Variants in PDE8A observed in about 807,000 individuals in gnomAD.
The protein encoded by PDE8A is phosphodiesterase 8A, also known as high affinity cAMP-specific and IBMX-insensitive 3',5'-cyclic phosphodiesterase 8A.
Under a neutral mutation model 105.0 loss-of-function variants are expected in PDE8A, and 59 were observed. The observed-to-expected ratio is 0.56, with a 90% CI of 0.46 to 0.70. The LOEUF (loss-of-function observed/expected upper bound fraction) is 0.70, where lower values mean the gene tolerates loss of function less well. Ranked by LOEUF, PDE8A falls within the 30% of genes least tolerant of loss-of-function variation. PDE8A has a pLI of 0.00. For missense variants in PDE8A, 1,014 were observed against 1,045.9 expected, an observed-to-expected ratio of 0.97 and a Z score of 0.42; for synonymous variants, 355 against 371.9, an observed-to-expected ratio of 0.95 and a Z score of 0.52.
chr15:84,990,380 C>T (rs557425185), intron 1 of PDE8A, among the ~76,000 whole-genome samples: 1 of 152,200 alleles, frequency 6.6e-6, no homozygotes, highest in East Asian at 1.9e-4. Flanking sequence ...CTATTGTGCT[C>T]CCTTTCCATT....
Position 85,123,087 on chromosome 15 carries a change from G to A in PDE8A, c.1979G>A (p.Gly660Glu). ...ERNDYRTLRQ[G>E]IIDMVLATEM... The stretch of plus-strand genomic sequence containing the variant: ...AATGATTATCGGACACTGCGCCAGG[G>A]GATTATCGACATGGTCTTAGCCACA... The change falls in exon 19 of 22, where the codon GGG (glycine) becomes GAG (glutamate). Residue 660 changes from glycine (G) to glutamate (E), a missense_variant. Coordinates refer to ENST00000394553, the MANE Select transcript of PDE8A (RefSeq NM_002605.3). 1 of 1,613,950 alleles carries A rather than the reference G, an allele frequency of 6.2e-7. No individual in the cohort carries two copies. The highest frequency in any genetic ancestry group is 8.5e-7 in the Non-Finnish European group (1 of 1,179,952).
intron 18 of PDE8A, among the ~76,000 whole-genome samples, chr15:85,121,390 T>G (rs2082179800): frequency 6.6e-6 from 1 of 152,208 alleles, no homozygotes; most frequent in Non-Finnish European, 1.5e-5. Flanking sequence ...ACCACTGCAC[T>G]CCAGCTTGAG....
chr15:85,123,116 A>G lies in PDE8A; in HGVS notation c.2008A>G (p.Met670Val). Residue 670 changes from methionine (M) to valine (V), a missense_variant, in exon 19 of 22, where the codon ATG becomes GTG. Met to Val is a conservative substitution (Grantham distance 21, BLOSUM62 1). Transcript: ENST00000394553. ...TATCGACATGGTCTTAGCCACAGAA[A>G]TGACAAAGCACTTTGAGCATGTCAA... The part of the protein sequence containing the change: ...GIIDMVLATE[M>V]TKHFEHVNKF... 6.2e-7 allele frequency: 1 copy of G among 1,614,060 alleles called. No homozygotes were observed. The highest frequency in any genetic ancestry group is 8.5e-7 in the Non-Finnish European group (1 of 1,179,912).
chr15:85,050,948 GAT>G (rs1317222287), intron 1 of PDE8A, among the ~76,000 whole-genome samples: 2 of 152,116 alleles, frequency 1.3e-5, no homozygotes, highest in Admixed American at 6.5e-5. Flanking sequence ...GTGAATGTGG[GAT>G]ATGTTTCCAT....
intron 1 of PDE8A, among the ~76,000 whole-genome samples, chr15:85,016,494 C>T (rs192932621): frequency 1.3e-5 from 2 of 152,232 alleles, no homozygotes; most frequent in Admixed American, 1.3e-4. Flanking sequence ...TTTCTGGATT[C>T]TCTGTACTGT....
intron 1 of PDE8A, among the ~76,000 whole-genome samples, chr15:85,015,567 G>A (rs1207841696): frequency 4.6e-5 from 7 of 152,106 alleles, no homozygotes; most frequent in African/African-American, 1.7e-4. Context: ...ATTTTTACCA[G>A]CAGTGTATCA....
At chr15:84,993,442 C>CAAAAAAAAA (rs11362736) in intron 1 of PDE8A, among the ~76,000 whole-genome samples, 109 of 72,956 alleles carry the variant, frequency 1.5e-3, no homozygotes, top group African/African-American at 2.8e-3. Flanking sequence ...GACTCCATCT[C>CAAAAAAAAA]AAAAAAAAAA....
chr15:85,129,636 A>G (rs1489304436), intron 20 of PDE8A, among the ~76,000 whole-genome samples: 3 of 148,526 alleles, frequency 2.0e-5, no homozygotes, highest in Non-Finnish European at 4.4e-5. Flanking sequence ...AGATTTGTCA[A>G]TCTTGTTGAT....
At chr15:85,133,128 C>T (rs905588244) in intron 20 of PDE8A, among the ~76,000 whole-genome samples, 2 of 152,160 alleles carry the variant, frequency 1.3e-5, no homozygotes, top group African/African-American at 4.8e-5. Context: ...TTGTCTGGGT[C>T]TGCATATACA....
intron 1 of PDE8A, among the ~76,000 whole-genome samples, chr15:84,998,200 A>G (rs967157744): frequency 5.9e-5 from 9 of 152,210 alleles, no homozygotes; most frequent in African/African-American, 2.2e-4. Context: ...TCGAAACCCT[A>G]AGGCAGTTGT....
At chr15:85,082,955 A>G (rs966366369) in intron 5 of PDE8A, among the ~76,000 whole-genome samples, 2 of 152,254 alleles carry the variant, frequency 1.3e-5, no homozygotes, top group African/African-American at 2.4e-5. Context: ...GTCCACGGCT[A>G]TAAGAGACAC....
At chr15:85,097,915 C>A in intron 8 of PDE8A, 33 bp from the exon 9 acceptor site, 1 of 1,180,648 alleles carries the variant, frequency 8.5e-7, no homozygotes, top group Non-Finnish European at 1.3e-6. Context: ...GTTTTCAACA[C>A]AAAGTATGAC....
Position 84,993,295 on chromosome 15 carries a change from T to C in PDE8A, c.186+10947T>C, listed in dbSNP as rs563288189. 6.6e-5 allele frequency among the ~76,000 whole-genome samples: 10 copies of C among 151,870 alleles called. No individual in the cohort carries two copies. In the East Asian group the frequency reaches 1.4e-3, roughly 21 times the overall value. On this transcript the variant is annotated intron_variant, in intron 1 of 21. Transcript: ENST00000394553. The stretch of plus-strand genomic sequence containing the variant: ...CGTCTCTTCTAAAAATACAAAAAAT[T>C]AGCCGGGTGTGGTGGCAGGTGCCTG...
chr15:85,066,044 G>T (rs2081220036), intron 2 of PDE8A, among the ~76,000 whole-genome samples: 1 of 151,692 alleles, frequency 6.6e-6, no homozygotes, highest in South Asian at 2.1e-4. Context: ...TTTTAACTTG[G>T]AGGAATTACA....
intron 3 of PDE8A, among the ~76,000 whole-genome samples, chr15:85,072,591 A>G (rs529064847): frequency 2.0e-5 from 3 of 152,302 alleles, no homozygotes; most frequent in South Asian, 2.1e-4. Context: ...AGTGTTCAGT[A>G]TCTGTCTTGG....
intron 8 of PDE8A, among the ~76,000 whole-genome samples, chr15:85,092,221 A>T (rs1458217730): frequency 6.6e-6 from 1 of 152,198 alleles, no homozygotes; most frequent in Non-Finnish European, 1.5e-5. Flanking sequence ...ACAAGGAAAT[A>T]ATAGGCCAGC....
At chr15:84,990,315 A>G (rs2079866713) in intron 1 of PDE8A, among the ~76,000 whole-genome samples, 1 of 152,242 alleles carries the variant, frequency 6.6e-6, no homozygotes, top group African/African-American at 2.4e-5. Context: ...TCTATGTACT[A>G]TGAATCTCTG....
At chr15:85,124,669 C>G (rs976326484) in intron 19 of PDE8A, among the ~76,000 whole-genome samples, 1 of 152,168 alleles carries the variant, frequency 6.6e-6, no homozygotes, top group African/African-American at 2.4e-5. Context: ...TTCCTGTTCT[C>G]TCAATTTGTC....
At chr15:85,111,124 G>T (rs188130309) in intron 12 of PDE8A, among the ~76,000 whole-genome samples, 5 of 152,268 alleles carry the variant, frequency 3.3e-5, no homozygotes, top group Non-Finnish European at 7.4e-5. Context: ...CTAGATATGG[G>T]TTATCTGTGT....
Sources: gnomAD v4.1 joint callset for allele counts (sites outside exome capture counted in the v4.1 genomes callset) on GRCh38, gnomAD v4.1.1 for gene constraint, MANE v1.5 for transcripts, NCBI Gene and HGNC (gene_info 2026-07-23, HGNC 2026-07-21) for gene names.